The following NOC2L variants were observed in gnomAD, a reference collection of about 807,000 sequenced individuals.
NOC2L encodes NOC2 like nucleolar associated transcriptional repressor, also known as nucleolar complex protein 2 homolog.
Under a neutral mutation model 94.2 loss-of-function variants are expected in NOC2L, and 101 were observed. That is an observed-to-expected ratio of 1.07 (90% confidence interval 0.91 to 1.26). NOC2L has a LOEUF of 1.26. Ranked by LOEUF, NOC2L falls within the 50% of genes most tolerant of loss-of-function variation. The pLI is 0.00. For synonymous variants in NOC2L, 531 were observed against 413.4 expected, an observed-to-expected ratio of 1.28 and a Z score of -3.45; for missense variants, 1,076 against 980.1, an observed-to-expected ratio of 1.10 and a Z score of -1.31.
In NOC2L at chr1:956,919, A is replaced by G; in HGVS notation, c.461T>C (p.Val154Ala). ...CTTTGCTGCCTGCTTCCATCTCTCA[A>G]CCATGGCGACGGTCACAGGAACAGA... Reference protein sequence around the residue: ...KNSVPVTVAMVERWKQAAKQR... With the variant: ...KNSVPVTVAMAERWKQAAKQR... Residue 154 changes from valine (V) to alanine (A), a missense_variant, in exon 4 of 19, where the codon GTT becomes GCT. Physicochemically the swap from Val to Ala is moderately conservative, Grantham distance 64 (BLOSUM62 0). This residue lies in a region of NOC2L where 457 missense variants were observed against 386.0 expected (regional missense o/e 1.18). Coordinates refer to ENST00000327044, the MANE Select transcript of NOC2L (RefSeq NM_015658.4). 6.2e-7 allele frequency: 1 copy of G among 1,613,914 alleles called. No homozygotes were observed. The highest frequency in any genetic ancestry group is 2.2e-5 in the East Asian group (1 of 44,888).
intron 4 of NOC2L, among the ~76,000 whole-genome samples, chr1:956,538 C>T (rs1250434461): frequency 6.6e-6 from 1 of 152,102 alleles, no homozygotes; most frequent in Non-Finnish European, 1.5e-5. Flanking sequence ...TCAGAAGGAC[C>T]CCAGCTCCAC....
At position 954,041 on chromosome 1, in the gene NOC2L, C is replaced by G. The variant is rs3828050; in HGVS notation, c.740G>C (p.Arg247Pro). The change falls in exon 7 of 19, where the codon CGT becomes CCT. Residue 247 changes from arginine (R) to proline (P), a missense_variant. Arg to Pro is a moderately radical substitution (Grantham distance 103, BLOSUM62 -2). This residue lies in a region of NOC2L where 457 missense variants were observed against 386.0 expected (regional missense o/e 1.18). Coordinates refer to ENST00000327044, the MANE Select transcript of NOC2L (RefSeq NM_015658.4). ...PSSSPLWGKL[R>P]VDIKAYLGSA... ...GCCCAGGTAAGCCTTGATGTCCACA[C>G]GAAGCTTCCCCCAGAGCGGGCTGCT... The G allele has an allele frequency of 6.2e-6, 10 of 1,608,518 alleles. No individual in the cohort carries two copies. The highest frequency in any genetic ancestry group is 8.5e-6 in the Non-Finnish European group (10 of 1,176,268).
chr1:951,451 G>T (rs973906932), intron 11 of NOC2L, among the ~76,000 whole-genome samples: 1 of 152,214 alleles, frequency 6.6e-6, no homozygotes, highest in South Asian at 2.1e-4. Flanking sequence ...ACGGTGGCAG[G>T]GGTCATCTGT....
chr1:951,039 C>T lies in NOC2L; in HGVS notation c.1443+88G>A, dbSNP rs146131842. 3.5e-4 allele frequency: 367 copies of T among 1,051,096 alleles called. 3 individuals are homozygous for T. Among genetic ancestry groups the T allele is most frequent in the South Asian group, 2.6e-3 (195 of 74,030 alleles). 65.1% of individuals were successfully genotyped at this position (1,051,096 alleles called of 1,614,324 possible). ...GGCGGCCAGGGCTCCGGGAAGTCGC[C>T]GGACAACTCAGCACAGACGCCCGGA... On this transcript the variant is annotated intron_variant, in intron 12 of 18. Coordinates refer to ENST00000327044, the MANE Select transcript of NOC2L (RefSeq NM_015658.4).
At chr1:945,284 G>A (rs1642070615) in intron 17 of NOC2L, 138 bp from the exon 18 acceptor site, 2 of 1,120,788 alleles carry the variant, frequency 1.8e-6, no homozygotes, top group African/African-American at 1.6e-5. Context: ...GGAGCCCTGG[G>A]GAGGAACTGG....
chr1:944,889 CTAAT>C (rs1173743738), intron 18 of NOC2L, 89 bp from the exon 19 acceptor site: 9 of 1,319,272 alleles, frequency 6.8e-6, no homozygotes, highest in Middle Eastern at 1.9e-4. Context: ...AATCACGGCA[CTAAT>C]TAATTTATCC....
At position 957,277 on chromosome 1, in the gene NOC2L, A is replaced by C. The variant is rs1164713830; in HGVS notation, c.180-4T>G. On this transcript the variant is annotated splice_region_variant and splice_polypyrimidine_tract_variant and intron_variant, in intron 2 of 18. Coordinates refer to ENST00000327044, the MANE Select transcript of NOC2L (RefSeq NM_015658.4). ...AGAGGCACGGCCTTTACGCCGGCTG[A>C]GGAGGCAGAAGTCAGCGACCCCAGT... 1 of 1,612,958 alleles carries C rather than the reference A, an allele frequency of 6.2e-7. No homozygotes were observed. The highest frequency in any genetic ancestry group is 1.1e-5 in the South Asian group (1 of 91,082).
chr1:944,624 T>C lies in NOC2L; in HGVS notation c.*70A>G. The C allele has an allele frequency of 1.0e-6, 1 of 959,534 alleles. No homozygotes were observed. Among genetic ancestry groups the C allele is most frequent in the Non-Finnish European group, 1.6e-6 (1 of 626,002 alleles). The allele number at this position is 959,534 out of a possible 1,614,324, so 59.4% of individuals were successfully genotyped here. ...CTGCACAGACGCCAGCCTCTAGGCC[T>C]GACTGCCAGGGAGGTGGAAACACTG... On this transcript the variant is annotated 3_prime_UTR_variant, in exon 19 of 19. Transcript: ENST00000327044.
intron 4 of NOC2L, among the ~76,000 whole-genome samples, chr1:956,667 AAGC>A (rs1278013973): frequency 4.6e-5 from 7 of 152,180 alleles, no homozygotes; most frequent in Non-Finnish European, 5.9e-5. Flanking sequence ...GCAACCAAGC[AAGC>A]AGGAGGAGCA....
intron 17 of NOC2L, 58 bp from the exon 18 acceptor site, chr1:945,204 TCA>T: frequency 6.5e-7 from 1 of 1,541,584 alleles, no homozygotes; most frequent in Non-Finnish European, 8.8e-7. Context: ...ACCAGCAAAG[TCA>T]CAGTGGGGGC....
chr1:957,794 GAAGT>G (rs2100398890), intron 2 of NOC2L: 1 of 159,750 alleles, frequency 6.3e-6, no homozygotes, highest in East Asian at 1.8e-4. Flanking sequence ...CTCAAACCCA[GAAGT>G]AACTCCCTGT....
intron 6 of NOC2L, among the ~76,000 whole-genome samples, chr1:955,315 T>C (rs1188527879): frequency 1.3e-5 from 2 of 152,234 alleles, no homozygotes; most frequent in African/African-American, 2.4e-5. Flanking sequence ...CTTTCTTCCT[T>C]TGAAGGTGTC....
chr1:944,305 T>G lies in NOC2L; in HGVS notation c.*389A>C. 2 of 1,392,054 alleles carry G rather than the reference T, an allele frequency of 1.4e-6. No individual in the cohort carries two copies. Among genetic ancestry groups the G allele is most frequent in the African/African-American group, 1.5e-5 (1 of 68,042 alleles). 86.2% of individuals were successfully genotyped at this position (1,392,054 alleles called of 1,614,324 possible). A position where few individuals can be genotyped will look rare whatever the true frequency, so the allele number is the denominator to read the frequency against. Reference sequence around the variant, plus strand: ...GTGACTTCAAAGGAAAGGAACAAATTTTCAAAGACTTGGGGGAGTGAAGGC... The same window carrying G: ...GTGACTTCAAAGGAAAGGAACAAATGTTCAAAGACTTGGGGGAGTGAAGGC... On this transcript the variant is annotated 3_prime_UTR_variant, in exon 19 of 19. Transcript: ENST00000327044.
intron 9 of NOC2L, among the ~76,000 whole-genome samples, 159 bp from the exon 10 acceptor site, chr1:952,759 G>A (rs951607607): frequency 3.9e-5 from 6 of 152,144 alleles, no homozygotes; most frequent in African/African-American, 1.4e-4. Flanking sequence ...GTGCCCACCA[G>A]CCTCAGGCCT....
Position 944,530 on chromosome 1 carries a change from C to G in NOC2L, c.*164G>C. On this transcript the variant is annotated 3_prime_UTR_variant, in exon 19 of 19. Transcript: ENST00000327044. ...CACCAGCCCAGCCCAGCCCAGCTCT[C>G]GATACGTTTGGTCTTTCATGCTGAA... is the stretch of plus-strand genomic sequence containing the variant. 1 of 627,476 alleles carries G rather than the reference C, an allele frequency of 1.6e-6. No individual in the cohort carries two copies. Among genetic ancestry groups the G allele is most frequent in the Non-Finnish European group, 2.7e-6 (1 of 371,338 alleles). The allele number at this position is 627,476 out of a possible 1,614,324, so 38.9% of individuals were successfully genotyped here.
Position 944,427 on chromosome 1 carries a change from C to T in NOC2L, c.*267G>A. 9.4e-7 allele frequency: 1 copy of T among 1,068,262 alleles called. No individual in the cohort carries two copies. The highest frequency in any genetic ancestry group is 2.1e-5 in the South Asian group (1 of 48,682). The allele number at this position is 1,068,262 out of a possible 1,614,324, so 66.2% of individuals were successfully genotyped here. A position where few individuals can be genotyped will look rare whatever the true frequency, so the allele number is the denominator to read the frequency against. On this transcript the variant is annotated 3_prime_UTR_variant, in exon 19 of 19. Transcript: ENST00000327044. ...GCCTCCCCCTGGAACTGGGACTGGT[C>T]TCGGTCTGCTGACGTCAGGGTCAGC...
intron 12 of NOC2L, among the ~76,000 whole-genome samples, chr1:950,384 C>T (rs923655374): frequency 1.4e-4 from 22 of 152,062 alleles, no homozygotes; most frequent in Admixed American, 9.2e-4. Context: ...CACATGCAGA[C>T]GCAAATGCAT....
intron 1 of NOC2L, 33 bp downstream of exon 1, chr1:959,182 G>A (rs761988941): frequency 3.1e-6 from 5 of 1,611,638 alleles, no homozygotes; most frequent in East Asian, 4.5e-5. Flanking sequence ...CACCCACCGG[G>A]AGGCCAAATC....
Position 946,545 on chromosome 1 carries a change from G to A in NOC2L, c.1660C>T (p.Leu554=), listed in dbSNP as rs1642123442. 6.2e-7 allele frequency: 1 copy of A among 1,610,948 alleles called. No individual in the cohort carries two copies. Among genetic ancestry groups the A allele is most frequent in the Non-Finnish European group, 8.5e-7 (1 of 1,178,224 alleles). Residue 554 remains leucine (L), a splice_region_variant and synonymous_variant, in exon 15 of 19, where the codon CTG becomes TTG. Transcript: ENST00000327044. ...PELVLPVVLQ[L]KSFLRECKVA... ...TTGCACTCCCGGAGGAACGACTTCA[G>A]CTGCGGAAGGGAGGGGTCAGCCACT...
Sources: allele counts gnomAD v4.1 joint callset (sites outside exome capture counted in the v4.1 genomes callset), GRCh38; gene constraint gnomAD v4.1.1; regional missense constraint gnomAD v4.1.1; transcripts MANE v1.5; gene names NCBI Gene and HGNC (gene_info 2026-07-23, HGNC 2026-07-21).